The following SIK3 variants were observed in gnomAD, a reference collection of about 807,000 sequenced individuals.
SIK3 encodes the protein SIK family kinase 3.
Under a neutral mutation model 144.2 loss-of-function variants are expected in SIK3, and 28 were observed. The ratio of observed to expected loss-of-function variants is 0.19; its 90% CI spans 0.14 to 0.27. The LOEUF (loss-of-function observed/expected upper bound fraction) is 0.27. Among genes scored for constraint, SIK3 ranks in the 10% least tolerant of loss-of-function variants. The pLI is 1.00. For missense variants in SIK3, 1,319 were observed against 1,776.0 expected (o/e 0.74, Z 4.62); for synonymous variants, 686 against 676.3 (o/e 1.01, Z -0.22).
At chr11:116,865,896 C>G (rs1943606033) in intron 15 of SIK3, among the ~76,000 whole-genome samples, 1 of 152,166 alleles carries the variant, frequency 6.6e-6, no homozygotes, top group Non-Finnish European at 1.5e-5. Flanking sequence ...TCAAGACATG[C>G]TGGGTTTGCA....
chr11:117,044,404 T>C (rs945325272), intron 1 of SIK3, among the ~76,000 whole-genome samples: 2 of 152,120 alleles, frequency 1.3e-5, no homozygotes, highest in African/African-American at 4.8e-5. Flanking sequence ...TAGACAAGAT[T>C]AAGAGTCCCA....
chr11:117,051,509 G>C (rs1953241248), intron 1 of SIK3, among the ~76,000 whole-genome samples: 1 of 151,732 alleles, frequency 6.6e-6, no homozygotes, highest in Non-Finnish European at 1.5e-5. Flanking sequence ...AACTTATTAT[G>C]AAGGTTTTGG....
intron 1 of SIK3, among the ~76,000 whole-genome samples, chr11:117,006,645 A>AAAG (rs1951058417): frequency 1.3e-5 from 2 of 152,058 alleles, no homozygotes; most frequent in Non-Finnish European, 1.5e-5. Context: ...GTTTAAAAAA[A>AAAG]AAAGAAAGAA....
chr11:116,928,481 T>G (rs1020367541), intron 3 of SIK3, among the ~76,000 whole-genome samples: 3 of 152,230 alleles, frequency 2.0e-5, no homozygotes, highest in Admixed American at 2.0e-4. Flanking sequence ...ATAAATATAT[T>G]GTGATTTATC....
intron 1 of SIK3, among the ~76,000 whole-genome samples, chr11:116,984,933 C>T (rs1200879284): frequency 6.6e-6 from 1 of 152,158 alleles, no homozygotes; most frequent in Non-Finnish European, 1.5e-5. Context: ...AAATAGGGAC[C>T]TACAAAAGGT....
At chr11:116,925,004 G>A (rs1197388403) in intron 4 of SIK3, among the ~76,000 whole-genome samples, 1 of 152,130 alleles carries the variant, frequency 6.6e-6, no homozygotes, top group African/African-American at 2.4e-5. Flanking sequence ...TTAAAATGGG[G>A]AGATGAGGAC....
intron 1 of SIK3, among the ~76,000 whole-genome samples, chr11:117,080,580 G>T (rs974354826): frequency 2.0e-5 from 3 of 150,716 alleles, no homozygotes; most frequent in African/African-American, 7.3e-5. Flanking sequence ...AAATGGAATA[G>T]AAAAAAAAAC....
intron 1 of SIK3, among the ~76,000 whole-genome samples, chr11:116,982,968 A>G (rs1950200687): frequency 6.9e-6 from 1 of 144,100 alleles, no homozygotes; most frequent in African/African-American, 2.7e-5. Context: ...AAAAAAAAAA[A>G]ATTTCTGACC....
At chr11:116,969,014 G>A (rs917267173) in intron 1 of SIK3, among the ~76,000 whole-genome samples, 1 of 152,128 alleles carries the variant, frequency 6.6e-6, no homozygotes, top group Non-Finnish European at 1.5e-5. Context: ...ACAGACGGCC[G>A]ACGCGGTGGC....
chr11:117,098,285 G>C lies in SIK3; in HGVS notation c.131C>G (p.Ala44Gly). ...SPAAPAAVSP[A>G]AGQPRPPAPA... is the part of the protein sequence containing the mutation. Reference sequence around the variant, plus strand: ...GGCTGGGGGACGCGGCTGGCCGGCCGCAGGGGACACGGCAGCGGGGGCGGC... The same window carrying C: ...GGCTGGGGGACGCGGCTGGCCGGCCCCAGGGGACACGGCAGCGGGGGCGGC... Residue 44 changes from alanine (A) to glycine (G), a missense_variant, in exon 1 of 25, where the codon GCG (alanine) becomes GGG (glycine). Transcript: ENST00000445177. 7.5e-7 allele frequency: 1 copy of C among 1,325,202 alleles called. No individual in the cohort carries two copies. The highest frequency in any genetic ancestry group is 9.7e-7 in the Non-Finnish European group (1 of 1,027,678). The allele number at this position is 1,325,202 out of a possible 1,614,324, so 82.1% of individuals were successfully genotyped here.
intron 1 of SIK3, among the ~76,000 whole-genome samples, chr11:116,972,815 C>T (rs952359941): frequency 6.6e-6 from 1 of 152,132 alleles, no homozygotes; most frequent in African/African-American, 2.4e-5. Context: ...TACACACACA[C>T]ACACACATAA....
intron 15 of SIK3, among the ~76,000 whole-genome samples, chr11:116,866,328 A>T (rs1480680821): frequency 6.6e-6 from 1 of 151,816 alleles, no homozygotes; most frequent in Non-Finnish European, 1.5e-5. Flanking sequence ...GACAAGGAGA[A>T]AAGAAGGAAT....
chr11:116,874,162 TTTC>T, intron 11 of SIK3, 106 bp from the exon 12 acceptor site: 1 of 1,154,822 alleles, frequency 8.7e-7, no homozygotes, highest in African/African-American at 1.6e-5. Flanking sequence ...CTTATTTTAT[TTTC>T]TTCCTGAATT....
intron 8 of SIK3, 108 bp from the exon 9 acceptor site, chr11:116,876,117 C>T: frequency 1.3e-6 from 2 of 1,533,114 alleles, no homozygotes; most frequent in Non-Finnish European, 8.9e-7. Context: ...TTCCTTCTTT[C>T]CAAGGCCCAG....
intron 1 of SIK3, among the ~76,000 whole-genome samples, chr11:117,018,977 G>A (rs1273716092): frequency 2.0e-5 from 3 of 151,970 alleles, no homozygotes; most frequent in Non-Finnish European, 4.4e-5. Flanking sequence ...CTCCCAAAGT[G>A]CTGGGATTAC....
At chr11:117,073,583 A>G (rs528228172) in intron 1 of SIK3, among the ~76,000 whole-genome samples, 31 of 152,382 alleles carry the variant, frequency 2.0e-4, no homozygotes, top group African/African-American at 6.3e-4. Flanking sequence ...GTTGAAGGCT[A>G]GCAAGAATTA....
At chr11:116,917,323 G>C (rs924847001) in intron 4 of SIK3, among the ~76,000 whole-genome samples, 14 of 152,014 alleles carry the variant, frequency 9.2e-5, no homozygotes, top group Admixed American at 9.2e-4. Context: ...CTTTTCTATA[G>C]TTCTTATAGT....
chr11:117,072,425 CTG>C (rs1954322401), intron 1 of SIK3, among the ~76,000 whole-genome samples: 1 of 152,094 alleles, frequency 6.6e-6, no homozygotes, highest in South Asian at 2.1e-4. Flanking sequence ...AATAACATGA[CTG>C]TGTCCAAAAA....
intron 1 of SIK3, among the ~76,000 whole-genome samples, chr11:116,981,029 T>C (rs995987771): frequency 6.6e-6 from 1 of 152,228 alleles, no homozygotes; most frequent in Non-Finnish European, 1.5e-5. Context: ...TTTATTTCTT[T>C]AAACATCTGT....
Sources: allele counts gnomAD v4.1 joint callset (sites outside exome capture counted in the v4.1 genomes callset), GRCh38; gene constraint gnomAD v4.1.1; transcripts MANE v1.5; gene names NCBI Gene and HGNC (gene_info 2026-07-23, HGNC 2026-07-21).